The following FIGN variants were observed in gnomAD, a reference collection of about 807,000 sequenced individuals.
The protein encoded by FIGN is fidgetin, microtubule severing factor.
Under a neutral mutation model 51.3 loss-of-function variants are expected in FIGN, and 11 were observed. That is an observed-to-expected ratio of 0.21 (90% CI 0.13 to 0.35). FIGN has a LOEUF of 0.35. Ranked by LOEUF, FIGN falls within the 10% of genes least tolerant of loss-of-function variation. The pLI, the probability that FIGN is intolerant of heterozygous loss-of-function variation, is 1.00. For synonymous variants in FIGN, 407 were observed against 363.2 expected (o/e 1.12, Z -1.37); for missense variants, 857 against 943.6 (o/e 0.91, Z 1.20).
chr2:163,629,269 A>G (rs2105309660), intron 2 of FIGN, among the ~76,000 whole-genome samples: 1 of 152,372 alleles, frequency 6.6e-6, no homozygotes, highest in African/African-American at 2.4e-5. Context: ...GAGGATTTTC[A>G]GACAGAGTGT....
chr2:163,722,877 T>C (rs565367080), intron 2 of FIGN, among the ~76,000 whole-genome samples: 1 of 152,116 alleles, frequency 6.6e-6, no homozygotes, highest in African/African-American at 2.4e-5. Flanking sequence ...TTTTAATTTT[T>C]TAAAATAAGA....
rs901461030 is a variant in FIGN, at chr2:163,604,885, A to AAG, written c.*4665_*4666dup. 1.5e-4 allele frequency: 23 copies of AAG among 148,820 alleles called. No individual in the cohort carries two copies. The Admixed American group carries it at 1.5e-3, about 10-fold the overall frequency. 9.2% of individuals were successfully genotyped at this position (148,820 alleles called of 1,614,324 possible). Reference sequence around the variant, plus strand: ...AAGAATGGTTGGGGAATGGGGGTAAAAGAGAGAGAGATATTAGAGGGAGAG... The same window carrying AAG: ...AAGAATGGTTGGGGAATGGGGGTAAAAGAGAGAGAGAGATATTAGAGGGAGAG... On this transcript the variant is annotated 3_prime_UTR_variant, in exon 3 of 3. Coordinates refer to ENST00000333129, the MANE Select transcript of FIGN (RefSeq NM_018086.4).
chr2:163,683,981 T>A (rs1340815761), intron 2 of FIGN, among the ~76,000 whole-genome samples: 1 of 152,176 alleles, frequency 6.6e-6, no homozygotes, highest in Admixed American at 6.6e-5. Flanking sequence ...TGTCAACATA[T>A]CTCTATGGGA....
chr2:163,639,373 G>T (rs1372962513), intron 2 of FIGN, among the ~76,000 whole-genome samples: 1 of 152,016 alleles, frequency 6.6e-6, no homozygotes, highest in Non-Finnish European at 1.5e-5. Context: ...TGATGCATAG[G>T]TTGCAATATA....
chr2:163,730,411 C>T lies in FIGN; in HGVS notation c.25+4492G>A, dbSNP rs144273579. On this transcript the variant is annotated intron_variant, in intron 2 of 2. Coordinates refer to ENST00000333129, the MANE Select transcript of FIGN (RefSeq NM_018086.4). ...AAAATCCAACCATGGAAAGCACTTG[C>T]TAAACTGGCCATTTATTTGCAGTGT... Among the ~76,000 whole-genome samples, 280 of 152,116 alleles carry T rather than the reference C, an allele frequency of 1.8e-3. 1 individual carries two copies. The highest frequency in any genetic ancestry group is 2.6e-3 in the Non-Finnish European group (180 of 67,992).
chr2:163,695,800 C>T (rs1168919575), intron 2 of FIGN, among the ~76,000 whole-genome samples: 1 of 152,154 alleles, frequency 6.6e-6, no homozygotes, highest in Non-Finnish European at 1.5e-5. Context: ...ATGCTTAGCA[C>T]ATCTTGGATT....
At chr2:163,710,616 CTT>C (rs1475951475) in intron 2 of FIGN, among the ~76,000 whole-genome samples, 1 of 152,182 alleles carries the variant, frequency 6.6e-6, no homozygotes, top group African/African-American at 2.4e-5. Flanking sequence ...CTGTGCAAGA[CTT>C]TGTGCTGCCT....
chr2:163,728,518 A>G (rs1381786711), intron 2 of FIGN, among the ~76,000 whole-genome samples: 1 of 152,082 alleles, frequency 6.6e-6, no homozygotes, highest in Non-Finnish European at 1.5e-5. Flanking sequence ...GATGAGACAA[A>G]AGCAAATATT....
rs779755939 is a variant in FIGN at position 163,610,601 on chromosome 2, A to G, written c.1231T>C (p.Leu411=). The G allele has an allele frequency of 6.3e-5, 101 of 1,614,180 alleles. No individual in the cohort carries two copies. The highest frequency in any genetic ancestry group is 1.8e-4 in the East Asian group (8 of 44,864). Residue 411 remains leucine, a synonymous_variant, in exon 3 of 3, where the codon TTG becomes CTG. Transcript: ENST00000333129. ...PPSYSTAKNS[L]GSRSSESFGK... is the part of the protein sequence containing the mutation. ...AAGGATTCACTGGATCTTGATCCCA[A>G]TGAATTTTTAGCAGTACTGTAGGAA...
chr2:163,648,448 AT>A (rs1448533012), intron 2 of FIGN, among the ~76,000 whole-genome samples: 1 of 152,194 alleles, frequency 6.6e-6, no homozygotes, highest in Non-Finnish European at 1.5e-5. Context: ...AAGAGAACAT[AT>A]CTTTTTCCTG....
At chr2:163,690,859 G>C (rs1270311151) in intron 2 of FIGN, among the ~76,000 whole-genome samples, 2 of 151,958 alleles carry the variant, frequency 1.3e-5, no homozygotes, top group African/African-American at 2.4e-5. Context: ...GTGTTGGGGT[G>C]GGGGGCATTC....
At chr2:163,719,448 CCCAA>C (rs1379361783) in intron 2 of FIGN, among the ~76,000 whole-genome samples, 1 of 152,140 alleles carries the variant, frequency 6.6e-6, no homozygotes, top group East Asian at 1.9e-4. Context: ...AGCCCCACAG[CCCAA>C]CCAACTGACT....
intron 2 of FIGN, among the ~76,000 whole-genome samples, chr2:163,651,129 T>C (rs1245948611): frequency 6.6e-6 from 1 of 152,222 alleles, no homozygotes; most frequent in African/African-American, 2.4e-5. Context: ...ATACATTTTA[T>C]AGTCTGGGTT....
chr2:163,682,413 G>A (rs1209405791), intron 2 of FIGN, among the ~76,000 whole-genome samples: 1 of 152,160 alleles, frequency 6.6e-6, no homozygotes, highest in African/African-American at 2.4e-5. Flanking sequence ...TATTTATTAA[G>A]CTTTGTCTAT....
chr2:163,712,030 A>G (rs1684595640), intron 2 of FIGN, among the ~76,000 whole-genome samples: 1 of 151,898 alleles, frequency 6.6e-6, no homozygotes, highest in Admixed American at 6.6e-5. Context: ...CACCCTCCAC[A>G]TGGTTCCTCC....
intron 2 of FIGN, among the ~76,000 whole-genome samples, chr2:163,645,193 G>A (rs1683363316): frequency 6.6e-6 from 1 of 152,140 alleles, no homozygotes; most frequent in African/African-American, 2.4e-5. Context: ...GAGACAGATG[G>A]AACACTATAT....
intron 2 of FIGN, among the ~76,000 whole-genome samples, chr2:163,640,731 CAG>C (rs1191104062): frequency 8.6e-5 from 13 of 152,018 alleles, no homozygotes; most frequent in Admixed American, 8.5e-4. Context: ...ACACAAAAAA[CAG>C]AGTTACTAAA....
chr2:163,605,732 T>C lies in FIGN; in HGVS notation c.*3820A>G, dbSNP rs1385132153. The C allele has an allele frequency of 6.6e-6, 1 of 152,038 alleles. No individual in the cohort carries two copies. Among genetic ancestry groups the C allele is most frequent in the African/African-American group, 2.4e-5 (1 of 41,410 alleles). 9.4% of individuals were successfully genotyped at this position (152,038 alleles called of 1,614,324 possible). On this transcript the variant is annotated 3_prime_UTR_variant, in exon 3 of 3. Transcript: ENST00000333129. ...TTGCAAAATACAGATTCAATGATCA[T>C]GCTACCCAATTCTAAGAAACATGAG...
chr2:163,609,467 A>G lies in FIGN; in HGVS notation c.*85T>C, dbSNP rs567101662. On this transcript the variant is annotated 3_prime_UTR_variant, in exon 3 of 3. Coordinates refer to ENST00000333129, the MANE Select transcript of FIGN (RefSeq NM_018086.4). ...CAGTACCCTTTGCAATTTAAACTCT[A>G]CTGGAAAGGGGCTCTATTCCCTATG... 4 of 1,183,906 alleles carry G rather than the reference A, an allele frequency of 3.4e-6. No individual in the cohort carries two copies. The highest frequency in any genetic ancestry group is 1.5e-5 in the South Asian group (1 of 66,952). 73.3% of individuals were successfully genotyped at this position (1,183,906 alleles called of 1,614,324 possible). A position where few individuals can be genotyped will look rare whatever the true frequency, so the allele number is the denominator to read the frequency against.
Sources: gnomAD v4.1 joint callset for allele counts (sites outside exome capture counted in the v4.1 genomes callset) on GRCh38, gnomAD v4.1.1 for gene constraint, MANE v1.5 for transcripts, NCBI Gene and HGNC (gene_info 2026-07-23, HGNC 2026-07-21) for gene names.